Variants in TAMM41 observed in about 807,000 individuals in gnomAD.
TAMM41 encodes the protein phosphatidate cytidylyltransferase, mitochondrial.
A neutral mutation model predicts 44.1 loss-of-function variants in TAMM41; 36 were observed. That is an observed-to-expected ratio of 0.82 (90% CI 0.63 to 1.08). The LOEUF (loss-of-function observed/expected upper bound fraction) is 1.08. TAMM41 is among the 50% of genes least tolerant of loss of function. The pLI, the probability that TAMM41 is intolerant of heterozygous loss-of-function variation, is 0.00. For synonymous variants in TAMM41, 164 were observed against 153.1 expected (o/e 1.07, Z -0.53); for missense variants, 417 against 404.3 (o/e 1.03, Z -0.27).
At chr3:11,730,818 G>A in the TAMM41 span, among the ~76,000 whole-genome samples, 5 of 152,172 alleles carry the variant, frequency 3.3e-5, no homozygotes, top group Non-Finnish European at 7.3e-5. Context: ...GAAGGGAAAC[G>A]TTTCCTCCTG....
chr3:11,785,010 C>T, the TAMM41 span, among the ~76,000 whole-genome samples: 1 of 151,886 alleles, frequency 6.6e-6, no homozygotes, highest in African/African-American at 2.4e-5. Context: ...AGCTGCATCA[C>T]GTTGGGTGGA....
intron 3 of TAMM41, among the ~76,000 whole-genome samples, chr3:11,833,922 A>G (rs886481750): frequency 6.6e-6 from 1 of 152,206 alleles, no homozygotes. Context: ...GCTGTGTGGT[A>G]TGCGAATTTT....
chr3:11,725,305 CTTT>C, the TAMM41 span, among the ~76,000 whole-genome samples: 3 of 81,166 alleles, frequency 3.7e-5, no homozygotes, highest in Admixed American at 1.4e-4. Flanking sequence ...TCTCCTCCTC[CTTT>C]TTTTCTTCTC....
Position 11,809,427 on chromosome 3 carries a change from A to G in TAMM41, c.874+90T>C, listed in dbSNP as rs901133875. 4.4e-5 allele frequency: 66 copies of G among 1,498,936 alleles called. 1 individual carries two copies. The African/African-American group carries it at 7.3e-4, about 17-fold the overall frequency. 92.9% of individuals were successfully genotyped at this position (1,498,936 alleles called of 1,614,324 possible). A position where few individuals can be genotyped will look rare whatever the true frequency, so the allele number is the denominator to read the frequency against. On this transcript the variant is annotated intron_variant, in intron 6 of 7. Coordinates refer to ENST00000455809, the MANE Select transcript of TAMM41 (RefSeq NM_001284401.2). The stretch of plus-strand genomic sequence containing the variant: ...AGGCAATCTCTCTATCTCGCTAAAC[A>G]AAAAGGAAGAAATAATACATTCCAA...
intron 3 of TAMM41, among the ~76,000 whole-genome samples, chr3:11,837,211 C>T (rs1559323326): frequency 6.6e-6 from 1 of 152,176 alleles, no homozygotes; most frequent in Non-Finnish European, 1.5e-5. Flanking sequence ...CCATAGATAG[C>T]TACAGAAGCA....
chr3:11,737,871 T>C, the TAMM41 span, among the ~76,000 whole-genome samples: 1 of 152,252 alleles, frequency 6.6e-6, no homozygotes, highest in Non-Finnish European at 1.5e-5. Flanking sequence ...GCTGGGCTCC[T>C]GTGGTTTTCT....
At chr3:11,740,138 G>A in the TAMM41 span, among the ~76,000 whole-genome samples, 1 of 152,012 alleles carries the variant, frequency 6.6e-6, no homozygotes, top group African/African-American at 2.4e-5. Context: ...AAATTAAAAT[G>A]TCATAGTTTT....
At chr3:11,809,718 G>A in intron 5 of TAMM41, 36 bp from the exon 6 acceptor site, 1 of 1,583,984 alleles carries the variant, frequency 6.3e-7, no homozygotes, top group Non-Finnish European at 8.5e-7. Context: ...GTCTATGGAA[G>A]TGCTTTAAAT....
At chr3:11,779,039 G>A in the TAMM41 span, among the ~76,000 whole-genome samples, 1 of 152,208 alleles carries the variant, frequency 6.6e-6, no homozygotes, top group East Asian at 1.9e-4. Context: ...CTGGGTCATG[G>A]GGGCAGGTCC....
At chr3:11,746,086 G>A in the TAMM41 span, among the ~76,000 whole-genome samples, 1 of 152,104 alleles carries the variant, frequency 6.6e-6, no homozygotes, top group Non-Finnish European at 1.5e-5. Context: ...GGATCACGAG[G>A]TCAGGAGATC....
chr3:11,738,273 TG>T, the TAMM41 span, among the ~76,000 whole-genome samples: 1 of 152,204 alleles, frequency 6.6e-6, no homozygotes, highest in Non-Finnish European at 1.5e-5. Flanking sequence ...AAGAAAATCC[TG>T]GTTTTGAATC....
chr3:11,725,118 C>G, the TAMM41 span: 1 of 150,790 alleles, frequency 6.6e-6, no homozygotes, highest in African/African-American at 2.5e-5. Flanking sequence ...CCTGCCCCTC[C>G]TCCCCCTCCT....
chr3:11,791,830 C>T (rs1208244850), intron 7 of TAMM41, among the ~76,000 whole-genome samples: 1 of 152,206 alleles, frequency 6.6e-6, no homozygotes, highest in Admixed American at 6.5e-5. Flanking sequence ...TGCAAACCAA[C>T]ATAACCTAGT....
At chr3:11,765,633 A>G in the TAMM41 span, among the ~76,000 whole-genome samples, 2 of 152,076 alleles carry the variant, frequency 1.3e-5, no homozygotes, top group Non-Finnish European at 2.9e-5. Flanking sequence ...ATATAAGACC[A>G]TATTTTAGAG....
intron 3 of TAMM41, among the ~76,000 whole-genome samples, chr3:11,836,911 TG>T (rs1465242945): frequency 2.6e-5 from 4 of 152,274 alleles, no homozygotes; most frequent in Non-Finnish European, 5.9e-5. Context: ...TGTATAGACA[TG>T]AAATTTCAGT....
At chr3:11,835,364 T>A (rs989617157) in intron 3 of TAMM41, among the ~76,000 whole-genome samples, 7 of 152,220 alleles carry the variant, frequency 4.6e-5, no homozygotes, top group African/African-American at 9.6e-5. Context: ...AAAAAAAAAA[T>A]ATGTTCATCA....
chr3:11,757,844 C>T, the TAMM41 span, among the ~76,000 whole-genome samples: 1 of 152,196 alleles, frequency 6.6e-6, no homozygotes, highest in Non-Finnish European at 1.5e-5. Context: ...CTTTCTAATC[C>T]TGCTCCCTGA....
intron 2 of TAMM41, among the ~76,000 whole-genome samples, chr3:11,841,971 G>A (rs303860): frequency 0.67 from 101,129 of 152,054 alleles, 35,797 homozygotes; most frequent in Middle Eastern, 0.87. Context: ...GTATGCAGAC[G>A]TCACCAGTCA....
chr3:11,833,130 C>G (rs2079048794), intron 3 of TAMM41: 5 of 1,285,000 alleles, frequency 3.9e-6, no homozygotes, highest in Non-Finnish European at 4.1e-6. Flanking sequence ...CCAGTGAACT[C>G]TTGGGACACT....
Sources: allele counts gnomAD v4.1 joint callset (sites outside exome capture counted in the v4.1 genomes callset), GRCh38; gene constraint gnomAD v4.1.1; transcripts MANE v1.5; gene names NCBI Gene and HGNC (gene_info 2026-07-23, HGNC 2026-07-21).